FSTL4: variants seen among roughly 807,000 people sequenced by gnomAD.
The protein encoded by FSTL4 is follistatin like 4.
In FSTL4, 28 loss-of-function variants were observed where a neutral mutation model predicts 78.2. The observed-to-expected ratio is 0.36, with a 90% CI of 0.27 to 0.49. The LOEUF (loss-of-function observed/expected upper bound fraction) is 0.49, where lower values mean the gene tolerates loss of function less well. Ranked by LOEUF, FSTL4 falls within the 20% of genes least tolerant of loss-of-function variation. The pLI is 0.98. For missense variants in FSTL4, 922 were observed against 1,084.9 expected, an observed-to-expected ratio of 0.85 and a Z score of 2.11; for synonymous variants, 422 against 440.5, an observed-to-expected ratio of 0.96 and a Z score of 0.53.
chr5:133,663,301 T>G, the FSTL4 span, among the ~76,000 whole-genome samples: 1 of 152,256 alleles, frequency 6.6e-6, no homozygotes, highest in Non-Finnish European at 1.5e-5. Flanking sequence ...GACACTGGTT[T>G]AGACAAGGTA....
At position 133,225,697 on chromosome 5, in the gene FSTL4, C is replaced by T. The variant is rs779532320; in HGVS notation, c.1138G>A (p.Asp380Asn). The T allele has an allele frequency of 6.2e-7, 1 of 1,611,042 alleles. No homozygotes were observed. Among genetic ancestry groups the T allele is most frequent in the South Asian group, 1.1e-5 (1 of 90,522 alleles). Reference sequence around the variant, plus strand: ...TGTTTGGACATCTGAGTTGAGACATCCACGCCGTTTTTCAGCCAAGTGATT... The same window carrying T: ...TGTTTGGACATCTGAGTTGAGACATTCACGCCGTTTTTCAGCCAAGTGATT... Reference protein sequence around the residue: ...PRITWLKNGVDVSTQMSKQLS... With the variant: ...PRITWLKNGVNVSTQMSKQLS... Residue 380 changes from aspartate (D) to asparagine (N), a missense_variant, in exon 9 of 16, where the codon GAT becomes AAT. Coordinates refer to ENST00000265342, the MANE Select transcript of FSTL4 (RefSeq NM_015082.2). This position sits in a 1 kb window ranked among gnomAD's most constrained non-coding sequence, Gnocchi z 4.6.
chr5:133,206,281 A>C (rs1247927385), intron 14 of FSTL4, among the ~76,000 whole-genome samples: 1 of 152,120 alleles, frequency 6.6e-6, no homozygotes, highest in Middle Eastern at 3.2e-3. Context: ...CAGTCAGTTA[A>C]TTTTTTTAAA....
the FSTL4 span, among the ~76,000 whole-genome samples, chr5:133,663,474 G>T: frequency 6.6e-6 from 1 of 152,220 alleles, no homozygotes; most frequent in African/African-American, 2.4e-5. Context: ...ATGGGACCAA[G>T]AGAACAGCCA....
chr5:133,249,098 G>A (rs1752131455), intron 7 of FSTL4, among the ~76,000 whole-genome samples: 1 of 152,188 alleles, frequency 6.6e-6, no homozygotes, highest in African/African-American at 2.4e-5. Context: ...CTGTGAGCAG[G>A]CCCACACAGT....
At chr5:133,645,469 C>G in the FSTL4 span, among the ~76,000 whole-genome samples, 3 of 152,116 alleles carry the variant, frequency 2.0e-5, no homozygotes, top group African/African-American at 7.2e-5. Context: ...TGGCTGGTTT[C>G]TCTGGTACTA....
chr5:133,382,757 G>A (rs1490742705), intron 4 of FSTL4, among the ~76,000 whole-genome samples: 4 of 152,118 alleles, frequency 2.6e-5, no homozygotes, highest in Non-Finnish European at 4.4e-5. Context: ...CTTGCACCAT[G>A]TAATACATAC....
chr5:133,630,122 A>G, the FSTL4 span, among the ~76,000 whole-genome samples: 5 of 152,262 alleles, frequency 3.3e-5, no homozygotes, highest in Admixed American at 1.3e-4. Context: ...CTTCTATTCA[A>G]CATAGTATCG....
At chr5:133,832,440 G>A in the FSTL4 span, among the ~76,000 whole-genome samples, 1 of 152,204 alleles carries the variant, frequency 6.6e-6, no homozygotes, top group East Asian at 1.9e-4. Flanking sequence ...ATCGATGGCA[G>A]TCATTCTGAG....
intron 3 of FSTL4, among the ~76,000 whole-genome samples, chr5:133,410,809 C>T (rs558174912): frequency 6.6e-6 from 1 of 152,192 alleles, no homozygotes; most frequent in Non-Finnish European, 1.5e-5. Flanking sequence ...TTTCTCCTCT[C>T]AAGGATCTGC....
chr5:133,589,300 A>AAAAAAAAAAAT lies in FSTL4; in HGVS notation c.126+14557_126+14558insATTTTTTTTTT, dbSNP rs1208142898. Reference sequence around the variant, plus strand: ...TTAGAGTATAATAAAAAAAAAAAAAAAGATCAAGGCCCCAGAACCTTGCTT... The same window carrying AAAAAAAAAAAT: ...TTAGAGTATAATAAAAAAAAAAAAAAAAAAAAAAAATAGATCAAGGCCCCAGAACCTTGCTT... On this transcript the variant is annotated intron_variant, in intron 2 of 15. Transcript: ENST00000265342. Among the ~76,000 whole-genome samples, 412 of 148,482 alleles carry AAAAAAAAAAAT rather than the reference A, an allele frequency of 2.8e-3. 17 individuals are homozygous for AAAAAAAAAAAT. The highest frequency in any genetic ancestry group is 9.8e-3 in the African/African-American group (390 of 39,856).
the FSTL4 span, among the ~76,000 whole-genome samples, chr5:133,752,751 A>G: frequency 6.6e-6 from 1 of 152,166 alleles, no homozygotes; most frequent in Non-Finnish European, 1.5e-5. Context: ...GTCACTGTGC[A>G]GGGGTCATAG....
intron 7 of FSTL4, among the ~76,000 whole-genome samples, chr5:133,242,106 C>G (rs1242944009): frequency 6.6e-6 from 1 of 152,314 alleles, no homozygotes; most frequent in East Asian, 1.9e-4. Flanking sequence ...TCTTACACGT[C>G]AACTTACACA....
intron 6 of FSTL4, among the ~76,000 whole-genome samples, chr5:133,281,673 T>C (rs1270951094): frequency 6.7e-6 from 1 of 149,958 alleles, no homozygotes; most frequent in East Asian, 2.0e-4. Flanking sequence ...CAGGGAGGGG[T>C]TTTCTTTTCT....
the FSTL4 span, among the ~76,000 whole-genome samples, chr5:133,801,286 A>C: frequency 6.6e-6 from 1 of 151,456 alleles, no homozygotes; most frequent in South Asian, 2.1e-4. Context: ...ATCTCCTCAA[A>C]CTCAATGCCG....
At chr5:133,226,028 A>G (rs544552791) in intron 8 of FSTL4, 2 of 405,598 alleles carry the variant, frequency 4.9e-6, no homozygotes, top group Non-Finnish European at 8.7e-6. Flanking sequence ...AACATGTCAG[A>G]CTTTGTACCC....
At chr5:133,231,979 GTA>G (rs1300346711) in intron 8 of FSTL4, among the ~76,000 whole-genome samples, 22 of 152,248 alleles carry the variant, frequency 1.4e-4, no homozygotes, top group African/African-American at 5.1e-4. Context: ...AGTCACGAAA[GTA>G]GCATGCGGGA....
intron 1 of FSTL4, among the ~76,000 whole-genome samples, chr5:133,608,091 G>T (rs1394729350): frequency 6.6e-6 from 1 of 152,168 alleles, no homozygotes; most frequent in Non-Finnish European, 1.5e-5. Context: ...AGAGGCAAAT[G>T]CAAGAATCTC....
the FSTL4 span, among the ~76,000 whole-genome samples, chr5:133,783,919 C>T: frequency 2.0e-5 from 3 of 149,796 alleles, no homozygotes; most frequent in Non-Finnish European, 4.4e-5. Context: ...ACAGTTAGCT[C>T]ACAGGCAGGA....
the FSTL4 span, among the ~76,000 whole-genome samples, chr5:133,749,465 T>C: frequency 6.6e-6 from 1 of 152,212 alleles, no homozygotes; most frequent in African/African-American, 2.4e-5. Flanking sequence ...AAGACTGGAT[T>C]TCAGCCATTT....
Sources: allele counts gnomAD v4.1 joint callset (sites outside exome capture counted in the v4.1 genomes callset), GRCh38; gene constraint gnomAD v4.1.1; non-coding constraint Gnocchi (gnomAD v3.1); transcripts MANE v1.5; gene names NCBI Gene and HGNC (gene_info 2026-07-23, HGNC 2026-07-21).